Variants in RALGPS1 observed in about 807,000 individuals in gnomAD.
RALGPS1 encodes Ral GEF with PH domain and SH3 binding motif 1, also known as ras-specific guanine nucleotide-releasing factor RalGPS1.
Under a neutral mutation model 78.8 loss-of-function variants are expected in RALGPS1, and 19 were observed. That is an observed-to-expected ratio of 0.24 (90% CI 0.17 to 0.35). RALGPS1 has a LOEUF of 0.35. Ranked by LOEUF, RALGPS1 falls within the 10% of genes least tolerant of loss-of-function variation. The pLI, the probability that RALGPS1 is intolerant of heterozygous loss-of-function variation, is 1.00. For missense variants in RALGPS1, 454 were observed against 688.3 expected, an observed-to-expected ratio of 0.66 and a Z score of 3.81; for synonymous variants, 228 against 256.3, an observed-to-expected ratio of 0.89 and a Z score of 1.06.
chr9:127,011,844 G>A (rs2044374374), intron 4 of RALGPS1, among the ~76,000 whole-genome samples: 1 of 152,196 alleles, frequency 6.6e-6, no homozygotes, highest in African/African-American at 2.4e-5. Flanking sequence ...GAGTGGTCCT[G>A]GCAGCCCCTG....
At chr9:126,963,243 C>T (rs1481651068) in intron 2 of RALGPS1, among the ~76,000 whole-genome samples, 9 of 152,110 alleles carry the variant, frequency 5.9e-5, no homozygotes, top group Non-Finnish European at 5.9e-5. Context: ...TTATAATACC[C>T]GAAATCCCAG....
intron 4 of RALGPS1, among the ~76,000 whole-genome samples, chr9:127,015,545 G>A (rs1024427551): frequency 1.3e-4 from 20 of 152,224 alleles, no homozygotes; most frequent in African/African-American, 4.3e-4. Context: ...GCTTCCTGGC[G>A]GTTGGTTATC....
At chr9:127,188,000 G>A (rs867384418) in intron 11 of RALGPS1, among the ~76,000 whole-genome samples, 74 of 145,966 alleles carry the variant, frequency 5.1e-4, no homozygotes, top group African/African-American at 1.7e-3. Flanking sequence ...AAGAAACTCC[G>A]TTTTTAACAC....
chr9:127,051,756 A>G (rs756129405), intron 6 of RALGPS1, among the ~76,000 whole-genome samples: 28 of 152,242 alleles, frequency 1.8e-4, no homozygotes, highest in Non-Finnish European at 3.4e-4. Flanking sequence ...ACTGGGTACC[A>G]GAGACACCAT....
chr9:126,924,052 A>G (rs2035029005), intron 1 of RALGPS1, among the ~76,000 whole-genome samples: 1 of 152,074 alleles, frequency 6.6e-6, no homozygotes, highest in African/African-American at 2.4e-5. Context: ...TACTCTTTCC[A>G]CTTTCCAGAT....
intron 8 of RALGPS1, among the ~76,000 whole-genome samples, chr9:127,081,048 G>T (rs1174218169): frequency 6.6e-6 from 1 of 152,138 alleles, no homozygotes; most frequent in Non-Finnish European, 1.5e-5. Context: ...GCTGGAAGTG[G>T]AATTGCTGGG....
chr9:127,201,217 C>T lies in RALGPS1; in HGVS notation c.1247+2151C>T, dbSNP rs1303757083. Reference sequence around the variant, plus strand: ...GAATAGGTGATTTTGGGATCTCTTCCAAGCACTGGTCTCATGGCTGGCGCA... The same window carrying T: ...GAATAGGTGATTTTGGGATCTCTTCTAAGCACTGGTCTCATGGCTGGCGCA... On this transcript the variant is annotated intron_variant, in intron 14 of 18. Coordinates refer to ENST00000259351, the MANE Select transcript of RALGPS1 (RefSeq NM_014636.3). 3.9e-5 allele frequency among the ~76,000 whole-genome samples: 6 copies of T among 152,230 alleles called. No individual in the cohort carries two copies. The East Asian group carries it at 5.8e-4, about 15-fold the overall frequency.
chr9:127,004,141 T>C (rs1427778988), intron 4 of RALGPS1, among the ~76,000 whole-genome samples: 1 of 152,170 alleles, frequency 6.6e-6, no homozygotes, highest in Non-Finnish European at 1.5e-5. Flanking sequence ...TTCCTTCCCT[T>C]TCCCTTTTCC....
At chr9:127,008,172 C>T (rs1353233316) in intron 4 of RALGPS1, among the ~76,000 whole-genome samples, 3 of 150,302 alleles carry the variant, frequency 2.0e-5, no homozygotes, top group Non-Finnish European at 4.4e-5. Flanking sequence ...GGGGGTGGGG[C>T]GGGTATGTGC....
intron 3 of RALGPS1, among the ~76,000 whole-genome samples, chr9:126,969,719 C>A (rs1030490963): frequency 5.9e-5 from 9 of 152,232 alleles, no homozygotes; most frequent in African/African-American, 2.2e-4. Context: ...TAGACTGCAT[C>A]ATAGAAAAAC....
chr9:127,197,651 T>C (rs2061415385), intron 13 of RALGPS1, among the ~76,000 whole-genome samples: 1 of 152,182 alleles, frequency 6.6e-6, no homozygotes, highest in Non-Finnish European at 1.5e-5. Context: ...GTTCTGTGTC[T>C]GCCTCTGTCC....
At chr9:126,999,502 C>T (rs1355540870) in intron 4 of RALGPS1, among the ~76,000 whole-genome samples, 1 of 152,156 alleles carries the variant, frequency 6.6e-6, no homozygotes, top group Non-Finnish European at 1.5e-5. Flanking sequence ...CTCTCTTAAC[C>T]CCTGGCACCA....
chr9:126,919,110 A>G (rs1003717445), intron 1 of RALGPS1, among the ~76,000 whole-genome samples: 2 of 152,162 alleles, frequency 1.3e-5, no homozygotes, highest in Admixed American at 6.5e-5. Flanking sequence ...TTTCTCTTAC[A>G]CAAAGAATAG....
At chr9:127,046,407 CT>C (rs1387781785) in intron 5 of RALGPS1, among the ~76,000 whole-genome samples, 1 of 152,058 alleles carries the variant, frequency 6.6e-6, no homozygotes, top group African/African-American at 2.4e-5. Flanking sequence ...CCTTGTGTAT[CT>C]GTGTTTCTAT....
At chr9:127,182,035 C>A (rs1188958453) in intron 11 of RALGPS1, among the ~76,000 whole-genome samples, 1 of 151,836 alleles carries the variant, frequency 6.6e-6, no homozygotes, top group African/African-American at 2.4e-5. Context: ...TATGTTTCCC[C>A]TGCAGATCTC....
At chr9:126,990,227 G>T in intron 4 of RALGPS1, 1 of 541,274 alleles carries the variant, frequency 1.8e-6, no homozygotes, top group Non-Finnish European at 3.2e-6. Flanking sequence ...CAGGTCACAT[G>T]CTGGGCAGTT....
intron 11 of RALGPS1, chr9:127,184,110 G>A (rs1382310176): frequency 6.7e-7 from 1 of 1,483,462 alleles, no homozygotes; most frequent in Non-Finnish European, 9.1e-7. Context: ...AGGATCACTT[G>A]AGCCCAGGAG....
At chr9:126,937,793 G>T (rs2036400393) in intron 1 of RALGPS1, among the ~76,000 whole-genome samples, 1 of 152,320 alleles carries the variant, frequency 6.6e-6, no homozygotes, top group East Asian at 1.9e-4. Flanking sequence ...CCACACTGAG[G>T]TGTGAGGGAA....
intron 11 of RALGPS1, among the ~76,000 whole-genome samples, chr9:127,185,855 G>A (rs2060611027): frequency 6.6e-6 from 1 of 152,244 alleles, no homozygotes. Context: ...GTCACGTGAA[G>A]GAGGGAGGGA....
Sources: allele counts gnomAD v4.1 joint callset (sites outside exome capture counted in the v4.1 genomes callset), GRCh38; gene constraint gnomAD v4.1.1; transcripts MANE v1.5; gene names NCBI Gene and HGNC (gene_info 2026-07-23, HGNC 2026-07-21).